MAST2: variants seen among roughly 807,000 people sequenced by gnomAD.
The protein encoded by MAST2 is microtubule associated serine/threonine kinase 2.
A neutral mutation model predicts 147.4 loss-of-function variants in MAST2; 70 were observed. The observed-to-expected ratio is 0.47, with a 90% CI of 0.39 to 0.58. MAST2 has a LOEUF of 0.58. MAST2 is among the 20% of genes least tolerant of loss of function. MAST2 has a pLI of 0.00. For synonymous variants in MAST2, 869 were observed against 896.8 expected (o/e 0.97, Z 0.55); for missense variants, 2,080 against 2,302.3 (o/e 0.90, Z 1.98).
At chr1:45,888,628 C>G (rs1391810655) in intron 4 of MAST2, among the ~76,000 whole-genome samples, 1 of 139,530 alleles carries the variant, frequency 7.2e-6, no homozygotes, top group Admixed American at 7.5e-5. Context: ...TCCCAAAGTG[C>G]TGGGATTACA....
intron 3 of MAST2, among the ~76,000 whole-genome samples, chr1:45,872,396 A>G (rs549335760): frequency 1.7e-3 from 256 of 151,992 alleles, no homozygotes; most frequent in Non-Finnish European, 2.8e-3. Context: ...TTTCTTTGGA[A>G]ATATTTTATG....
intron 4 of MAST2, among the ~76,000 whole-genome samples, chr1:45,900,149 G>T (rs1490186968): frequency 8.3e-6 from 1 of 120,468 alleles, no homozygotes; most frequent in Non-Finnish European, 1.6e-5. Context: ...CAGCCTGGGC[G>T]ACAGAGCGAG....
chr1:45,833,062 C>T (rs549551914), intron 3 of MAST2, among the ~76,000 whole-genome samples: 2 of 149,862 alleles, frequency 1.3e-5, no homozygotes, highest in African/African-American at 2.5e-5. Flanking sequence ...CCTTTTGTGG[C>T]GGCTGCTTTC....
chr1:45,814,152 T>C (rs1415165905), intron 1 of MAST2, among the ~76,000 whole-genome samples: 1 of 152,204 alleles, frequency 6.6e-6, no homozygotes, highest in African/African-American at 2.4e-5. Flanking sequence ...ACAACTATGT[T>C]ACTTGCTTAT....
intron 5 of MAST2, among the ~76,000 whole-genome samples, chr1:45,966,518 G>A (rs989600420): frequency 9.2e-5 from 14 of 152,020 alleles, no homozygotes; most frequent in African/African-American, 3.4e-4. Context: ...ATCACTTAAA[G>A]TCAGGAGTTC....
chr1:45,841,983 C>G (rs1254733385), intron 3 of MAST2, among the ~76,000 whole-genome samples: 1 of 152,092 alleles, frequency 6.6e-6, no homozygotes, highest in Non-Finnish European at 1.5e-5. Flanking sequence ...GGGAAAGAAG[C>G]CTGGTACCAG....
chr1:45,840,614 G>C (rs768552240), intron 3 of MAST2, among the ~76,000 whole-genome samples: 104 of 152,316 alleles, frequency 6.8e-4, no homozygotes, highest in Non-Finnish European at 1.3e-3. Flanking sequence ...AAATAGCATA[G>C]TGCCAGATTT....
intron 4 of MAST2, chr1:45,913,926 A>G (rs1437697729): frequency 4.3e-6 from 5 of 1,157,904 alleles, no homozygotes; most frequent in Non-Finnish European, 5.4e-6. Flanking sequence ...GTCAGGAAAA[A>G]AAACTAATGC....
At chr1:46,028,417 G>A (rs1571273098) in intron 17 of MAST2, among the ~76,000 whole-genome samples, 1 of 152,252 alleles carries the variant, frequency 6.6e-6, no homozygotes, top group South Asian at 2.1e-4. Flanking sequence ...GACATTTCAG[G>A]TTGTGACTGT....
At chr1:45,891,627 T>C (rs932528950) in intron 4 of MAST2, among the ~76,000 whole-genome samples, 4 of 152,168 alleles carry the variant, frequency 2.6e-5, no homozygotes, top group Non-Finnish European at 5.9e-5. Flanking sequence ...AAATATCTAG[T>C]AACCTTTTTT....
chr1:45,881,486 ATAGTTGT>A (rs1646841832), intron 3 of MAST2, among the ~76,000 whole-genome samples: 3 of 152,236 alleles, frequency 2.0e-5, no homozygotes, highest in Admixed American at 6.5e-5. Flanking sequence ...AAAATTAAGA[ATAGTTGT>A]TAATTTAGGA....
chr1:45,884,740 A>G (rs566087685), intron 4 of MAST2, among the ~76,000 whole-genome samples: 7 of 152,336 alleles, frequency 4.6e-5, no homozygotes, highest in Non-Finnish European at 8.8e-5. Context: ...AGAGGAGTCG[A>G]AAAAGTTTTG....
intron 5 of MAST2, among the ~76,000 whole-genome samples, chr1:45,984,042 A>G (rs1644516852): frequency 6.6e-6 from 1 of 152,236 alleles, no homozygotes; most frequent in African/African-American, 2.4e-5. Context: ...TAAGTCTATC[A>G]TTTGAAAACA....
chr1:45,945,376 AAG>A (rs1477141231), intron 4 of MAST2, among the ~76,000 whole-genome samples: 1 of 152,226 alleles, frequency 6.6e-6, no homozygotes, highest in South Asian at 2.1e-4. Flanking sequence ...TTGAGGGTAA[AAG>A]AAAAAACAGA....
intron 10 of MAST2, 101 bp downstream of exon 10, chr1:46,011,040 C>G: frequency 9.9e-7 from 1 of 1,005,074 alleles, no homozygotes; most frequent in Non-Finnish European, 1.5e-6. Context: ...TCAGTCTTCA[C>G]AGACTGCTTG....
At chr1:45,882,667 T>C (rs941998343) in intron 4 of MAST2, among the ~76,000 whole-genome samples, 10 of 152,202 alleles carry the variant, frequency 6.6e-5, no homozygotes, top group African/African-American at 2.4e-4. Context: ...TTCATCACAG[T>C]CTTATACTTG....
At chr1:45,900,907 G>A (rs1393694076) in intron 4 of MAST2, among the ~76,000 whole-genome samples, 3 of 152,058 alleles carry the variant, frequency 2.0e-5, no homozygotes, top group African/African-American at 7.3e-5. Context: ...TTAGTCCTTT[G>A]TTGGATGCGT....
chr1:45,888,937 A>G (rs1261515593), intron 4 of MAST2, among the ~76,000 whole-genome samples: 1 of 150,964 alleles, frequency 6.6e-6, no homozygotes, highest in Non-Finnish European at 1.5e-5. Flanking sequence ...TCGGCCTCCC[A>G]AGTGCTGGGA....
rs59944185 is a variant in MAST2, at chr1:45,883,912, G to GCCTCCCCCCCCCCCCCCCCCC, written c.500+1519_500+1520insTCCCCCCCCCCCCCCCCCCCC. 1.6e-3 allele frequency among the ~76,000 whole-genome samples: 4 copies of GCCTCCCCCCCCCCCCCCCCCC among 2,488 alleles called. 1 individual carries two copies. Among genetic ancestry groups the GCCTCCCCCCCCCCCCCCCCCC allele is most frequent in the Non-Finnish European group, 3.0e-3 (3 of 1,004 alleles). The allele number at this position is 2,488 out of a possible 152,430, so 1.6% of individuals were successfully genotyped here. On this transcript the variant is annotated intron_variant, in intron 4 of 28. Coordinates refer to ENST00000361297, the MANE Select transcript of MAST2 (RefSeq NM_015112.3). ...ACTTGGTCATTTTTCTACTATTTCTGCCCCCCCCGCTTTTTTTTGGTTGCT... is the reference window on the plus strand; with the variant it reads ...ACTTGGTCATTTTTCTACTATTTCTGCCTCCCCCCCCCCCCCCCCCCCCCCCCCCGCTTTTTTTTGGTTGCT...
Sources: allele counts gnomAD v4.1 joint callset (sites outside exome capture counted in the v4.1 genomes callset), GRCh38; gene constraint gnomAD v4.1.1; transcripts MANE v1.5; gene names NCBI Gene and HGNC (gene_info 2026-07-23, HGNC 2026-07-21).